Variants in DOCK5 observed in about 807,000 individuals in gnomAD.
DOCK5 encodes the protein dedicator of cytokinesis 5.
Under a neutral mutation model 251.8 loss-of-function variants are expected in DOCK5, and 142 were observed. The observed-to-expected ratio is 0.56, with a 90% CI of 0.49 to 0.65. The LOEUF is 0.65. Ranked by LOEUF, DOCK5 falls within the 30% of genes least tolerant of loss-of-function variation. The probability of loss-of-function intolerance (pLI) is 0.00; values close to 1 mark genes in which losing one functional copy is unlikely to be tolerated. For synonymous variants in DOCK5, 842 were observed against 835.5 expected (o/e 1.01, Z -0.13); for missense variants, 2,111 against 2,312.3 (o/e 0.91, Z 1.79).
At chr8:25,189,387 G>A (rs1266297336) in intron 1 of DOCK5, among the ~76,000 whole-genome samples, 2 of 151,894 alleles carry the variant, frequency 1.3e-5, no homozygotes, top group African/African-American at 2.4e-5. Context: ...CTGAGACAGG[G>A]TCTCGTTCTG....
intron 26 of DOCK5, among the ~76,000 whole-genome samples, chr8:25,349,917 C>CA (rs1381091643): frequency 6.6e-6 from 1 of 152,122 alleles, no homozygotes; most frequent in African/African-American, 2.4e-5. Context: ...CTATTGAAAT[C>CA]AAAAAGAAAA....
Position 25,200,184 on chromosome 8 carries a change from T to A in DOCK5, c.43+15233T>A, listed in dbSNP as rs567279519. On this transcript the variant is annotated intron_variant, in intron 1 of 51. Coordinates refer to ENST00000276440, the MANE Select transcript of DOCK5 (RefSeq NM_024940.8). Reference sequence around the variant, plus strand: ...TTGGAGTTCATTGTGACTTGAAAATTCCAATTAAAGTTGGTATAACCTCTA... The same window carrying A: ...TTGGAGTTCATTGTGACTTGAAAATACCAATTAAAGTTGGTATAACCTCTA... 9.6e-4 allele frequency among the ~76,000 whole-genome samples: 146 copies of A among 152,346 alleles called. 1 individual carries two copies. The highest frequency in any genetic ancestry group is 3.5e-3 in the African/African-American group (145 of 41,580).
intron 25 of DOCK5, among the ~76,000 whole-genome samples, chr8:25,344,987 G>A (rs534795303): frequency 1.8e-4 from 27 of 152,140 alleles, no homozygotes; most frequent in African/African-American, 2.4e-5. Context: ...AAATCCACAC[G>A]CCTGCACAGA....
chr8:25,375,218 AG>A, intron 37 of DOCK5: 1 of 170,994 alleles, frequency 5.8e-6, no homozygotes, highest in Admixed American at 5.8e-5. Context: ...GCTCCTCCCC[AG>A]CCCATCCTAC....
intron 1 of DOCK5, among the ~76,000 whole-genome samples, chr8:25,210,041 T>TAAAAAA (rs1563309172): frequency 5.8e-5 from 1 of 17,328 alleles, no homozygotes; most frequent in African/African-American, 2.8e-4. Context: ...TATAAATGTG[T>TAAAAAA]GTGTGTGTGT....
At chr8:25,324,175 C>T (rs1412142787) in intron 17 of DOCK5, among the ~76,000 whole-genome samples, 1 of 152,146 alleles carries the variant, frequency 6.6e-6, no homozygotes, top group Admixed American at 6.5e-5. Flanking sequence ...TCTAAGGAGG[C>T]TCTCACCTCC....
Position 25,302,726 on chromosome 8 carries a change from C to T in DOCK5, c.976+272C>T, listed in dbSNP as rs189870048. 2.8e-3 allele frequency among the ~76,000 whole-genome samples: 430 copies of T among 152,250 alleles called. 1 individual carries two copies. The highest frequency in any genetic ancestry group is 4.7e-3 in the Non-Finnish European group (317 of 68,032). The stretch of plus-strand genomic sequence containing the variant: ...TGTACGCACAATGGAATAATACTCG[C>T]CTTAAACAGGACGGGAATTTTGACT... On this transcript the variant is annotated intron_variant, in intron 10 of 51. Transcript: ENST00000276440.
In DOCK5 at chr8:25,217,193, T is replaced by C. The variant is rs184683205; in HGVS notation, c.44-26481T>C. ...TGTTGTAGGGAGAGAGAGAGATATATATATATATACACATACACATGTATA... is the reference window on the plus strand; with the variant it reads ...TGTTGTAGGGAGAGAGAGAGATATACATATATATACACATACACATGTATA... On this transcript the variant is annotated intron_variant, in intron 1 of 51. Transcript: ENST00000276440. Among the ~76,000 whole-genome samples the C allele has an allele frequency of 3.4e-3, 514 of 149,896 alleles. 3 individuals are homozygous for C. Among genetic ancestry groups the C allele is most frequent in the African/African-American group, 0.012 (487 of 40,992 alleles).
In DOCK5 at chr8:25,373,631, A is replaced by T; in HGVS notation, c.3698A>T (p.Glu1233Val). The T allele has an allele frequency of 6.3e-7, 1 of 1,596,400 alleles. No homozygotes were observed. Among genetic ancestry groups the T allele is most frequent in the Non-Finnish European group, 8.5e-7 (1 of 1,171,066 alleles). Residue 1233 changes from glutamate to valine, a missense_variant, in exon 36 of 52, where the codon GAA becomes GTA. Physicochemically the swap from Glu to Val is moderately radical, Grantham distance 121 (BLOSUM62 -2). This residue lies in a region of DOCK5 where 1,717 missense variants were observed against 1,892.4 expected (regional missense o/e 0.91). Coordinates refer to ENST00000276440, the MANE Select transcript of DOCK5 (RefSeq NM_024940.8). Reference sequence around the variant, plus strand: ...TTTTCCTGGCAGAACTTTTATAAAGAAAAGAAGAGAGAGGACATATACATA... The same window carrying T: ...TTTTCCTGGCAGAACTTTTATAAAGTAAAGAAGAGAGAGGACATATACATA... ...CTVNVLNFYK[E>V]KKREDIYIRY...
At chr8:25,335,230 C>T (rs771629634) in intron 21 of DOCK5, among the ~76,000 whole-genome samples, 8 of 152,184 alleles carry the variant, frequency 5.3e-5, no homozygotes, top group Non-Finnish European at 1.0e-4. Flanking sequence ...TCAGCAAGAA[C>T]ACCAGTGACA....
intron 24 of DOCK5, 97 bp from the exon 25 acceptor site, chr8:25,342,304 T>A (rs1805972807): frequency 1.1e-6 from 1 of 896,818 alleles, no homozygotes; most frequent in East Asian, 2.9e-5. Context: ...GGTAAATCTC[T>A]CCATGCCCAA....
At chr8:25,319,554 C>T in intron 14 of DOCK5, 24 bp from the exon 15 acceptor site, 1 of 1,530,116 alleles carries the variant, frequency 6.5e-7, no homozygotes, top group Non-Finnish European at 8.9e-7. Context: ...TTATTCCCTT[C>T]TAATTTTTTC....
intron 1 of DOCK5, among the ~76,000 whole-genome samples, chr8:25,223,902 C>T (rs1435231316): frequency 6.6e-6 from 1 of 152,164 alleles, no homozygotes; most frequent in East Asian, 1.9e-4. Context: ...TCATAACAGA[C>T]AGTTTCCCTG....
At chr8:25,195,275 T>A (rs1266490264) in intron 1 of DOCK5, among the ~76,000 whole-genome samples, 1 of 135,694 alleles carries the variant, frequency 7.4e-6, no homozygotes, top group African/African-American at 3.2e-5. Context: ...TTTTTTTTTT[T>A]AAGATGGGCA....
chr8:25,216,142 G>T (rs543577243), intron 1 of DOCK5, among the ~76,000 whole-genome samples: 2 of 149,938 alleles, frequency 1.3e-5, no homozygotes, highest in Non-Finnish European at 1.5e-5. Context: ...ATGTCTATAC[G>T]TGTATACAAT....
At chr8:25,306,716 TA>T (rs1470451493) in intron 11 of DOCK5, among the ~76,000 whole-genome samples, 7 of 151,776 alleles carry the variant, frequency 4.6e-5, no homozygotes, top group Non-Finnish European at 7.4e-5. Context: ...ATAAATAAAA[TA>T]AAATAAATAA....
intron 5 of DOCK5, among the ~76,000 whole-genome samples, chr8:25,284,537 T>G (rs1164696137): frequency 1.3e-5 from 2 of 152,096 alleles, no homozygotes; most frequent in Non-Finnish European, 1.5e-5. Flanking sequence ...GGTCGATGGG[T>G]TTCAGATTTT....
At chr8:25,373,724 A>C (rs1800915159) in intron 36 of DOCK5, 66 bp downstream of exon 36, 1 of 1,453,154 alleles carries the variant, frequency 6.9e-7, no homozygotes, top group East Asian at 2.4e-5. Flanking sequence ...TTTCTTCAGT[A>C]AACAAATACT....
At chr8:25,213,670 C>G (rs1042798050) in intron 1 of DOCK5, among the ~76,000 whole-genome samples, 8 of 152,174 alleles carry the variant, frequency 5.3e-5, no homozygotes, top group Admixed American at 5.2e-4. Context: ...CCTCACCCCC[C>G]AAAGAAAAGC....
Sources: allele counts gnomAD v4.1 joint callset (sites outside exome capture counted in the v4.1 genomes callset), GRCh38; gene constraint gnomAD v4.1.1; regional missense constraint gnomAD v4.1.1; transcripts MANE v1.5; gene names NCBI Gene and HGNC (gene_info 2026-07-23, HGNC 2026-07-21).